The following MYO16 variants were observed in gnomAD, a reference collection of about 807,000 sequenced individuals.
MYO16 encodes the protein myosin XVI.
In MYO16, 94 loss-of-function variants were observed where a neutral mutation model predicts 205.3. That is an observed-to-expected ratio of 0.46 (90% CI 0.39 to 0.54). The LOEUF (loss-of-function observed/expected upper bound fraction) is 0.54. Among genes scored for constraint, MYO16 ranks in the 20% least tolerant of loss-of-function variants. The pLI, the probability that MYO16 is intolerant of heterozygous loss-of-function variation, is 0.00. For missense variants in MYO16, 2,315 were observed against 2,387.5 expected (o/e 0.97, Z 0.63); for synonymous variants, 988 against 954.0 (o/e 1.04, Z -0.66).
At chr13:109,154,938 G>A (rs1256273765) in intron 32 of MYO16, among the ~76,000 whole-genome samples, 256 of 47,836 alleles carry the variant, frequency 5.4e-3, no homozygotes, top group Non-Finnish European at 6.7e-3. Flanking sequence ...AAAAAAAAAA[G>A]CTACCCAAGT....
At chr13:109,088,828 C>G (rs1251898774) in intron 27 of MYO16, among the ~76,000 whole-genome samples, 1 of 152,154 alleles carries the variant, frequency 6.6e-6, no homozygotes, top group Non-Finnish European at 1.5e-5. Flanking sequence ...CATGGCCAGA[C>G]GATGGTGAAC....
intron 27 of MYO16, among the ~76,000 whole-genome samples, chr13:109,098,061 A>G (rs947753633): frequency 2.6e-5 from 4 of 152,272 alleles, no homozygotes; most frequent in African/African-American, 9.6e-5. Flanking sequence ...GAAAGTTCTC[A>G]TAGTCCTGGA....
intron 4 of MYO16, among the ~76,000 whole-genome samples, chr13:108,745,234 T>C (rs1885023241): frequency 6.6e-6 from 1 of 152,076 alleles, no homozygotes; most frequent in Non-Finnish European, 1.5e-5. Context: ...GTAGGAATAT[T>C]TAAATGGCAA....
chr13:108,928,700 T>C (rs1442182138), intron 16 of MYO16, among the ~76,000 whole-genome samples: 8 of 152,276 alleles, frequency 5.3e-5, no homozygotes, highest in Non-Finnish European at 7.4e-5. Context: ...AAATAAAAAT[T>C]CATAGAAAGG....
At chr13:108,633,256 T>C (rs1880070041) in intron 1 of MYO16, among the ~76,000 whole-genome samples, 1 of 152,134 alleles carries the variant, frequency 6.6e-6, no homozygotes, top group South Asian at 2.1e-4. Context: ...TTAAGGAGAA[T>C]TAACTCACAC....
chr13:108,589,687 C>CCTCTCGCTGTCTGTCTGT, the MYO16 span, among the ~76,000 whole-genome samples: 1 of 151,994 alleles, frequency 6.6e-6, no homozygotes, highest in African/African-American at 2.4e-5. Context: ...TCTCTCTCTC[C>CCTCTCGCTGTCTGTCTGT]CTCTCGCTGT....
intron 20 of MYO16, among the ~76,000 whole-genome samples, chr13:108,991,961 T>C (rs1374187654): frequency 2.0e-5 from 3 of 152,238 alleles, no homozygotes; most frequent in South Asian, 2.1e-4. Context: ...AGGGTGCATG[T>C]ACAGGTTTGT....
chr13:109,084,370 A>G (rs1888374444), intron 27 of MYO16, among the ~76,000 whole-genome samples: 1 of 152,022 alleles, frequency 6.6e-6, no homozygotes, highest in East Asian at 1.9e-4. Context: ...CTTGATGATG[A>G]CTTTGACCTC....
chr13:108,825,603 AAATG>A (rs1272333060), intron 9 of MYO16, among the ~76,000 whole-genome samples: 68 of 151,096 alleles, frequency 4.5e-4, no homozygotes, highest in Non-Finnish European at 7.7e-4. Flanking sequence ...ATAAATAAAT[AAATG>A]AATAGTATCC....
intron 1 of MYO16, among the ~76,000 whole-genome samples, chr13:108,599,668 A>G (rs1232011874): frequency 6.6e-6 from 1 of 151,942 alleles, no homozygotes; most frequent in Non-Finnish European, 1.5e-5. Flanking sequence ...ATTAAAAAAA[A>G]TATCAAATGC....
In MYO16 at chr13:108,844,351, T is replaced by A. The variant is rs562469629; in HGVS notation, c.1106T>A (p.Leu369Gln). Residue 369 changes from leucine (L) to glutamine (Q), a missense_variant, in exon 10 of 35, where the codon CTG becomes CAG. By Grantham distance (113) the Leu-to-Gln change is moderately radical. This residue lies in a region of MYO16 where 1,213 missense variants were observed against 1,274.4 expected (regional missense o/e 0.95). Transcript: ENST00000457511. ...LPVLSSKLSP[L>Q]VLPIAKQDSL... ...GATTTTTTTTCCTGTAGCAGTCCCC[T>A]GGTGTTACCAATTGCCAAGCAAGAC... 9.8e-5 allele frequency: 158 copies of A among 1,612,282 alleles called. No individual in the cohort carries two copies. In the South Asian group the frequency reaches 1.6e-3, roughly 17 times the overall value.
At chr13:109,022,530 A>G (rs1470836080) in intron 23 of MYO16, among the ~76,000 whole-genome samples, 1 of 131,248 alleles carries the variant, frequency 7.6e-6, no homozygotes, top group East Asian at 2.2e-4. Context: ...TATATATACA[A>G]TATAAACATA....
chr13:108,820,255 T>G, intron 7 of MYO16, 82 bp from the exon 8 acceptor site: 4 of 1,019,556 alleles, frequency 3.9e-6, no homozygotes, highest in Non-Finnish European at 4.5e-6. Context: ...GGCTGTTAGT[T>G]GGACAGCACA....
rs142483827 is a variant in MYO16 at position 108,608,851 on chromosome 13, C to T, written c.-39+12612C>T. 4.8e-3 allele frequency among the ~76,000 whole-genome samples: 737 copies of T among 152,224 alleles called. 1 individual carries two copies. Among genetic ancestry groups the T allele is most frequent in the African/African-American group, 0.016 (648 of 41,544 alleles). ...TAAAGACAGGGTTTCACCATGTTGGCCAGGTTGGTCCCAAACACCCGACCT... is the reference window on the plus strand; with the variant it reads ...TAAAGACAGGGTTTCACCATGTTGGTCAGGTTGGTCCCAAACACCCGACCT... On this transcript the variant is annotated intron_variant, in intron 1 of 24. Coordinates refer to the MYO16 transcript ENST00000251041.
At chr13:108,772,135 G>T (rs1450450394) in intron 4 of MYO16, among the ~76,000 whole-genome samples, 2 of 152,118 alleles carry the variant, frequency 1.3e-5, no homozygotes, top group Non-Finnish European at 2.9e-5. Context: ...GATTGCTTGA[G>T]CCCACAAATT....
intron 1 of MYO16, among the ~76,000 whole-genome samples, chr13:108,615,631 A>G (rs79467070): frequency 0.012 from 1,841 of 152,294 alleles, 44 homozygotes; most frequent in South Asian, 0.087. Flanking sequence ...AAAAGGAAGG[A>G]CATATTGATC....
the MYO16 span, among the ~76,000 whole-genome samples, chr13:108,524,519 C>T: frequency 9.2e-5 from 14 of 152,098 alleles, no homozygotes; most frequent in African/African-American, 3.4e-4. Context: ...GCCAGTTAAA[C>T]ATCTTCTTTT....
chr13:108,875,064 G>A (rs61968585), intron 12 of MYO16, among the ~76,000 whole-genome samples: 4,399 of 152,188 alleles, frequency 0.029, 84 homozygotes, highest in Middle Eastern at 0.048. Flanking sequence ...AGAAAAGGAG[G>A]GACTTTATCC....
intron 5 of MYO16, among the ~76,000 whole-genome samples, chr13:108,791,319 G>C (rs887763272): frequency 3.9e-5 from 6 of 152,132 alleles, no homozygotes; most frequent in Admixed American, 2.0e-4. Flanking sequence ...GCTTTATTTT[G>C]TTTGGTTACT....
Sources: allele counts gnomAD v4.1 joint callset (sites outside exome capture counted in the v4.1 genomes callset), GRCh38; gene constraint gnomAD v4.1.1; regional missense constraint gnomAD v4.1.1; transcripts MANE v1.5; gene names NCBI Gene and HGNC (gene_info 2026-07-23, HGNC 2026-07-21).